Variants in RTN4 observed in about 807,000 individuals in gnomAD.
The protein encoded by RTN4 is reticulon 4.
In RTN4, 32 loss-of-function variants were observed where a neutral mutation model predicts 90.4. The ratio of observed to expected loss-of-function variants is 0.35; its 90% confidence interval spans 0.27 to 0.48. The LOEUF (loss-of-function observed/expected upper bound fraction) is 0.48. RTN4 is among the 20% of genes least tolerant of loss of function. The pLI, the probability that RTN4 is intolerant of heterozygous loss-of-function variation, is 0.99. For synonymous variants in RTN4, 629 were observed against 552.5 expected (o/e 1.14, Z -1.94); for missense variants, 1,706 against 1,430.2 (o/e 1.19, Z -3.11).
At position 55,036,353 on chromosome 2, in the gene RTN4, G is replaced by A. The variant is rs538430936; in HGVS notation, c.557-8133C>T. On this transcript the variant is annotated intron_variant, in intron 1 of 8. Coordinates refer to ENST00000337526, the MANE Select transcript of RTN4 (RefSeq NM_020532.5). ...GCAGTGGCTCATGCCTGTAATCCCAGCACTTTGGGAGGCTGAGGTGGGCAG... is the reference window on the plus strand; with the variant it reads ...GCAGTGGCTCATGCCTGTAATCCCAACACTTTGGGAGGCTGAGGTGGGCAG... Among the ~76,000 whole-genome samples the A allele has an allele frequency of 3.3e-5, 5 of 152,064 alleles. No homozygotes were observed. The East Asian group carries it at 9.7e-4, about 29-fold the overall frequency.
At chr2:55,127,992 A>C in the RTN4 span, among the ~76,000 whole-genome samples, 4 of 151,400 alleles carry the variant, frequency 2.6e-5, no homozygotes, top group African/African-American at 9.7e-5. Flanking sequence ...GGCTCATTGC[A>C]GTCTCGACCT....
At chr2:55,130,614 G>T in the RTN4 span, among the ~76,000 whole-genome samples, 1 of 152,178 alleles carries the variant, frequency 6.6e-6, no homozygotes, top group Admixed American at 6.5e-5. Context: ...AGCCAGGCAT[G>T]GTGGTGCATG....
intron 1 of RTN4, among the ~76,000 whole-genome samples, chr2:55,046,539 A>G (rs1667745735): frequency 6.6e-6 from 1 of 152,010 alleles, no homozygotes; most frequent in Non-Finnish European, 1.5e-5. Flanking sequence ...GCCCCCATAA[A>G]TCCCCATCAT....
upstream of RTN4, among the ~76,000 whole-genome samples, chr2:55,052,036 T>C (rs1406745125): frequency 6.6e-6 from 1 of 152,156 alleles, no homozygotes; most frequent in Non-Finnish European, 1.5e-5. Context: ...AATTTGGGTA[T>C]TAAAAAAGAA....
chr2:55,064,991 T>C lies in RTN4; in HGVS notation c.-63+15498A>G, dbSNP rs1219337072. Among the ~76,000 whole-genome samples, 3 of 152,338 alleles carry C rather than the reference T, an allele frequency of 2.0e-5. No individual in the cohort carries two copies. In the East Asian group the frequency reaches 5.8e-4, roughly 29 times the overall value. ...TTTCGAATGCATGTGTTATATTATATGTGTTTGTAAACATTGTACCCCAAA... is the reference window on the plus strand; with the variant it reads ...TTTCGAATGCATGTGTTATATTATACGTGTTTGTAAACATTGTACCCCAAA... On this transcript the variant is annotated intron_variant, in intron 2 of 3. Coordinates refer to the RTN4 transcript ENST00000427710.
rs1257821830 is a variant in RTN4, at chr2:55,025,931, T to G, written c.2168A>C (p.Lys723Thr). 6.2e-7 allele frequency: 1 copy of G among 1,612,858 alleles called. No homozygotes were observed. Among genetic ancestry groups the G allele is most frequent in the Non-Finnish European group, 8.5e-7 (1 of 1,179,660 alleles). The stretch of plus-strand genomic sequence containing the variant: ...ATGATCAGGCACTGGCTGTTCAACT[T>G]TTGCCATTTCTGAATAATCAGAGAA... Reference protein sequence around the residue: ...PDFSDYSEMAKVEQPVPDHSE... With the variant: ...PDFSDYSEMATVEQPVPDHSE... Residue 723 changes from lysine (K) to threonine (T), a missense_variant, in exon 3 of 9, where the codon AAA becomes ACA. Physicochemically the swap from Lys to Thr is moderately conservative, Grantham distance 78. Coordinates refer to ENST00000337526, the MANE Select transcript of RTN4 (RefSeq NM_020532.5).
In RTN4 at chr2:55,060,041, A is replaced by G. The variant is rs996518145; in HGVS notation, c.-63+20448T>C. Among the ~76,000 whole-genome samples the G allele has an allele frequency of 5.3e-5, 8 of 152,266 alleles. No individual in the cohort carries two copies. The East Asian group carries it at 1.4e-3, about 26-fold the overall frequency. On this transcript the variant is annotated intron_variant, in intron 2 of 3. Coordinates refer to the RTN4 transcript ENST00000427710. ...AACTCTCCTGGAATGTCGCTGGCTAATGGATTGAAACTGCAGTCAGCCAGT... is the reference window on the plus strand; with the variant it reads ...AACTCTCCTGGAATGTCGCTGGCTAGTGGATTGAAACTGCAGTCAGCCAGT...
At position 55,049,436 on chromosome 2, in the gene RTN4, T is replaced by G. The variant is rs775033356; in HGVS notation, c.556+309A>C. 2.9e-4 allele frequency: 122 copies of G among 421,988 alleles called. 1 individual carries two copies. The highest frequency in any genetic ancestry group is 5.4e-4 in the South Asian group (17 of 31,244). 26.1% of individuals were successfully genotyped at this position (421,988 alleles called of 1,614,324 possible). On this transcript the variant is annotated intron_variant, in intron 1 of 8. Coordinates refer to ENST00000337526, the MANE Select transcript of RTN4 (RefSeq NM_020532.5). Reference sequence around the variant, plus strand: ...CCTGGCTCTCGGGTATATACCCGGCTCCTACTACGGGTGGGTGCCTAACTT... The same window carrying G: ...CCTGGCTCTCGGGTATATACCCGGCGCCTACTACGGGTGGGTGCCTAACTT...
Position 55,026,397 on chromosome 2 carries a change from C to T in RTN4, c.1702G>A (p.Gly568Ser), listed in dbSNP as rs1471895841. The T allele has an allele frequency of 6.2e-7, 1 of 1,613,712 alleles. No individual in the cohort carries two copies. Among genetic ancestry groups the T allele is most frequent in the Non-Finnish European group, 8.5e-7 (1 of 1,179,878 alleles). The change falls in exon 3 of 9, where the codon GGT becomes AGT. Residue 568 changes from glycine (G) to serine (S), a missense_variant. Physicochemically the swap from Gly to Ser is moderately conservative, Grantham distance 56. Transcript: ENST00000337526. Reference sequence around the variant, plus strand: ...TTTGTTTCATAAGCAATCTTTGTACCAGTAACTTCATTCAATTCACTTTCA... The same window carrying T: ...TTTGTTTCATAAGCAATCTTTGTACTAGTAACTTCATTCAATTCACTTTCA... ...ACESELNEVT[G>S]TKIAYETKMD...
intron 2 of RTN4, among the ~76,000 whole-genome samples, chr2:55,066,150 T>TTTGTTAG (rs1668385302): frequency 6.6e-6 from 1 of 151,146 alleles, no homozygotes; most frequent in African/African-American, 2.4e-5. Flanking sequence ...GGCAAAGTAG[T>TTTGTTAG]TTGTTAGTAT....
chr2:55,020,707 C>G (rs4557017), intron 3 of RTN4, among the ~76,000 whole-genome samples: 2,539 of 152,232 alleles, frequency 0.017, 72 homozygotes, highest in African/African-American at 0.057. Context: ...TACAAAATGT[C>G]ATTTTAAGAA....
At chr2:55,099,125 G>C (rs1051994424) in intron 1 of RTN4, among the ~76,000 whole-genome samples, 1 of 152,014 alleles carries the variant, frequency 6.6e-6, no homozygotes, top group South Asian at 2.1e-4. Context: ...GGCTGAATTA[G>C]TTCTTTAAAC....
chr2:54,990,754 C>G (rs781140920), intron 3 of RTN4, among the ~76,000 whole-genome samples: 2 of 151,872 alleles, frequency 1.3e-5, no homozygotes, highest in African/African-American at 2.4e-5. Context: ...CCAAAGGAAT[C>G]AGCAAGTAAG....
At chr2:55,112,803 C>T (rs761891396), upstream of RTN4, among the ~76,000 whole-genome samples, 6 of 152,220 alleles carry the variant, frequency 3.9e-5, no homozygotes, top group East Asian at 1.9e-4. Context: ...CCACTTCAGC[C>T]GCTATTTATT....
intron 1 of RTN4, among the ~76,000 whole-genome samples, chr2:55,092,220 G>A (rs1668951690): frequency 6.7e-6 from 1 of 148,510 alleles, no homozygotes. Flanking sequence ...AATGAAGGGA[G>A]AGATTTTTTT....
intron 2 of RTN4, among the ~76,000 whole-genome samples, chr2:55,059,384 C>G (rs1668249244): frequency 6.6e-6 from 1 of 151,704 alleles, no homozygotes; most frequent in African/African-American, 2.4e-5. Context: ...GAGACAGTCT[C>G]ACTCTGTTGC....
intron 1 of RTN4, among the ~76,000 whole-genome samples, chr2:55,047,449 C>T (rs967227170): frequency 2.0e-5 from 3 of 151,778 alleles, no homozygotes; most frequent in African/African-American, 7.3e-5. Flanking sequence ...TCCTCATCTT[C>T]TAAGACCTTT....
chr2:54,999,972 G>A (rs1482068831), intron 3 of RTN4, among the ~76,000 whole-genome samples: 1 of 152,100 alleles, frequency 6.6e-6, no homozygotes, highest in Non-Finnish European at 1.5e-5. Flanking sequence ...AATATGATCT[G>A]AGAAGATAAT....
intron 3 of RTN4, among the ~76,000 whole-genome samples, chr2:55,000,648 A>T (rs556766894): frequency 1.3e-5 from 2 of 152,216 alleles, no homozygotes; most frequent in East Asian, 3.8e-4. Flanking sequence ...GTATTTGTAC[A>T]TTTGTAATGT....
Sources: gnomAD v4.1 joint callset for allele counts (sites outside exome capture counted in the v4.1 genomes callset) on GRCh38, gnomAD v4.1.1 for gene constraint, MANE v1.5 for transcripts, NCBI Gene and HGNC (gene_info 2026-07-23, HGNC 2026-07-21) for gene names.